BMERB1: variants seen among roughly 807,000 people sequenced by gnomAD.
BMERB1 encodes bMERB domain-containing protein 1.
A neutral mutation model predicts 23.6 loss-of-function variants in BMERB1; 12 were observed. That is an observed-to-expected ratio of 0.51 (90% confidence interval 0.33 to 0.82). BMERB1 has a LOEUF of 0.82. BMERB1 is among the 40% of genes least tolerant of loss of function. The pLI, the probability that BMERB1 is intolerant of heterozygous loss-of-function variation, is 0.03. For synonymous variants in BMERB1, 122 were observed against 96.6 expected, an observed-to-expected ratio of 1.26 and a Z score of -1.54; for missense variants, 247 against 255.4, an observed-to-expected ratio of 0.97 and a Z score of 0.22.
chr16:15,586,538 C>G (rs112442611), intron 5 of BMERB1, among the ~76,000 whole-genome samples, 179 bp from the exon 6 acceptor site: 2,826 of 151,150 alleles, frequency 0.019, 91 homozygotes, highest in African/African-American at 0.061. Context: ...AAAATGAGGA[C>G]CAGCTGAGGA....
At chr16:15,525,696 T>G (rs2051898703) in intron 2 of BMERB1, among the ~76,000 whole-genome samples, 1 of 141,432 alleles carries the variant, frequency 7.1e-6, no homozygotes, top group Non-Finnish European at 1.5e-5. Context: ...CAGAGTGAGA[T>G]CCCATCTCAG....
intron 5 of BMERB1, among the ~76,000 whole-genome samples, chr16:15,585,161 G>A (rs1363933282): frequency 1.3e-5 from 2 of 152,242 alleles, no homozygotes; most frequent in African/African-American, 2.4e-5. Flanking sequence ...CACAAGGCAC[G>A]TGATCACTGC....
chr16:15,583,907 C>T, intron 5 of BMERB1: 3 of 672,182 alleles, frequency 4.5e-6, no homozygotes, highest in South Asian at 3.2e-5. Flanking sequence ...AACTACGTAC[C>T]TGGTCCTGGT....
At chr16:15,509,260 C>T (rs901600251) in intron 1 of BMERB1, among the ~76,000 whole-genome samples, 1 of 140,078 alleles carries the variant, frequency 7.1e-6, no homozygotes, top group Admixed American at 7.9e-5. Context: ...CTTTCGCAGG[C>T]ACAAATGCAT....
intron 1 of BMERB1, among the ~76,000 whole-genome samples, chr16:15,450,031 T>C (rs1198497800): frequency 6.6e-6 from 1 of 151,740 alleles, no homozygotes; most frequent in African/African-American, 2.4e-5. Context: ...GGATTACAGG[T>C]GTGTGTCATC....
chr16:15,558,755 A>G (rs1019740798), intron 2 of BMERB1, among the ~76,000 whole-genome samples: 1 of 151,260 alleles, frequency 6.6e-6, no homozygotes, highest in African/African-American at 2.4e-5. Context: ...ACTTTTAGCT[A>G]TATAAGTTTT....
At chr16:15,553,016 CA>C (rs1362519700) in intron 2 of BMERB1, among the ~76,000 whole-genome samples, 1 of 151,930 alleles carries the variant, frequency 6.6e-6, no homozygotes, top group African/African-American at 2.4e-5. Context: ...CTCTACCAGA[CA>C]TTTTTTTTGA....
In BMERB1 at chr16:15,583,250, C is replaced by A; in HGVS notation, c.502+12C>A. 1 of 1,563,716 alleles carries A rather than the reference C, an allele frequency of 6.4e-7. No homozygotes were observed. Among genetic ancestry groups the A allele is most frequent in the Non-Finnish European group, 8.8e-7 (1 of 1,134,306 alleles). On this transcript the variant is annotated intron_variant, in intron 5 of 5. Coordinates refer to ENST00000300006, the MANE Select transcript of BMERB1 (RefSeq NM_033201.3). ...CAAATCTCCAGCCAGTGAGTATATACATTATTCATTCCCCTCCCCCACAAA... is the reference window on the plus strand; with the variant it reads ...CAAATCTCCAGCCAGTGAGTATATAAATTATTCATTCCCCTCCCCCACAAA...
At chr16:15,439,528 TC>T (rs915262801) in intron 1 of BMERB1, among the ~76,000 whole-genome samples, 2 of 152,156 alleles carry the variant, frequency 1.3e-5, no homozygotes, top group African/African-American at 4.8e-5. Context: ...CTTAGTAAAT[TC>T]TGGTTAATGA....
intron 2 of BMERB1, among the ~76,000 whole-genome samples, chr16:15,549,169 A>G (rs576840691): frequency 2.0e-5 from 3 of 150,964 alleles, no homozygotes; most frequent in Non-Finnish European, 4.4e-5. Flanking sequence ...TAAAACCCCA[A>G]CTCTACTAAA....
chr16:15,580,818 T>A (rs1342343407), intron 3 of BMERB1, among the ~76,000 whole-genome samples: 1 of 151,292 alleles, frequency 6.6e-6, no homozygotes, highest in East Asian at 2.0e-4. Flanking sequence ...GTGCTGGGAT[T>A]ACAGGTGTGA....
At chr16:15,530,903 C>CTTTTTTT (rs1220558728) in intron 2 of BMERB1, among the ~76,000 whole-genome samples, 128 of 109,212 alleles carry the variant, frequency 1.2e-3, no homozygotes, top group Middle Eastern at 5.0e-3. Context: ...TTTCTTCTTT[C>CTTTTTTT]TTTTTTTTTT....
chr16:15,486,493 A>G (rs965687236), intron 1 of BMERB1, among the ~76,000 whole-genome samples: 2 of 152,150 alleles, frequency 1.3e-5, no homozygotes, highest in African/African-American at 4.8e-5. Flanking sequence ...TCAGGTTGAG[A>G]CTGGAATCTT....
intron 1 of BMERB1, among the ~76,000 whole-genome samples, chr16:15,499,235 C>T (rs184745010): frequency 1.3e-5 from 2 of 151,870 alleles, no homozygotes; most frequent in Admixed American, 1.3e-4. Flanking sequence ...CTGTCTCTAC[C>T]AAAAATACAA....
intron 1 of BMERB1, among the ~76,000 whole-genome samples, chr16:15,443,960 T>G: frequency 6.6e-6 from 1 of 151,532 alleles, no homozygotes; most frequent in Non-Finnish European, 1.5e-5. Context: ...TGGCTGTGAC[T>G]GGGGAGCTGC....
chr16:15,481,193 T>A (rs1055556958), intron 1 of BMERB1, among the ~76,000 whole-genome samples: 2 of 152,088 alleles, frequency 1.3e-5, no homozygotes, highest in African/African-American at 4.8e-5. Flanking sequence ...TCACAGAATA[T>A]GTAGAGCATG....
chr16:15,490,387 A>G (rs1036390304), intron 1 of BMERB1, among the ~76,000 whole-genome samples: 2 of 152,134 alleles, frequency 1.3e-5, no homozygotes, highest in African/African-American at 2.4e-5. Context: ...GGCTCAAGTG[A>G]TCCTCCTGCC....
chr16:15,458,647 G>A (rs913106893), intron 1 of BMERB1, among the ~76,000 whole-genome samples: 7 of 151,030 alleles, frequency 4.6e-5, no homozygotes, highest in Non-Finnish European at 1.0e-4. Context: ...AGCCCAGAAG[G>A]TCAAGACTGC....
At chr16:15,535,205 G>C (rs1253105089) in intron 2 of BMERB1, among the ~76,000 whole-genome samples, 1 of 151,932 alleles carries the variant, frequency 6.6e-6, no homozygotes, top group Non-Finnish European at 1.5e-5. Context: ...TAAATAATTA[G>C]CTGGGCATAG....
Sources: allele counts gnomAD v4.1 joint callset (sites outside exome capture counted in the v4.1 genomes callset), GRCh38; gene constraint gnomAD v4.1.1; transcripts MANE v1.5; gene names NCBI Gene and HGNC (gene_info 2026-07-23, HGNC 2026-07-21).